Variants in EPG5 observed in about 807,000 individuals in gnomAD.
The protein encoded by EPG5 is ectopic P granules protein 5 homolog.
Under a neutral mutation model 302.7 loss-of-function variants are expected in EPG5, and 159 were observed. That is an observed-to-expected ratio of 0.53 (90% CI 0.46 to 0.60). EPG5 has a LOEUF of 0.60. EPG5 is among the 20% of genes least tolerant of loss of function. The pLI, the probability that EPG5 is intolerant of heterozygous loss-of-function variation, is 0.00. For missense variants in EPG5, 2,896 were observed against 3,092.4 expected (o/e 0.94, Z 1.51); for synonymous variants, 1,158 against 1,136.8 (o/e 1.02, Z -0.37).
At chr18:45,803,399 C>T in the EPG5 span, among the ~76,000 whole-genome samples, 1 of 152,130 alleles carries the variant, frequency 6.6e-6, no homozygotes, top group Non-Finnish European at 1.5e-5. Context: ...CAACAGCAAG[C>T]AGGCTCCAGG....
intron 21 of EPG5, 107 bp downstream of exon 21, chr18:45,913,599 C>A (rs913263040): frequency 1.0e-5 from 14 of 1,362,376 alleles, no homozygotes; most frequent in African/African-American, 1.4e-5. Context: ...GCTTTCCAAA[C>A]ATTCACAACA....
chr18:45,865,376 C>CTTAAT (rs1374669015), intron 39 of EPG5, among the ~76,000 whole-genome samples: 6 of 152,164 alleles, frequency 3.9e-5, no homozygotes, highest in Non-Finnish European at 8.8e-5. Flanking sequence ...TCTGATATCT[C>CTTAAT]CTAATCATTA....
In EPG5 at chr18:45,951,239, C is replaced by A; in HGVS notation, c.1253-1G>T. On this transcript the variant is annotated splice_acceptor_variant, in intron 3 of 43. Transcript: ENST00000282041. LOFTEE classifies it high-confidence loss of function. ...GGAATGCTTTCTGTCTGCTTAGACG[C>A]TGTAAATGAAAGATATTAAATGAGT... 6.8e-7 allele frequency: 1 copy of A among 1,480,876 alleles called. No individual in the cohort carries two copies. The highest frequency in any genetic ancestry group is 1.5e-5 in the South Asian group (1 of 65,468). The allele number at this position is 1,480,876 out of a possible 1,614,324, so 91.7% of individuals were successfully genotyped here.
rs981999945 is a variant in EPG5 at position 45,904,214 on chromosome 18, A to T, written c.4330-97T>A. 8 of 1,400,546 alleles carry T rather than the reference A, an allele frequency of 5.7e-6. No individual in the cohort carries two copies. In the African/African-American group the frequency reaches 7.5e-5, roughly 13 times the overall value. The allele number at this position is 1,400,546 out of a possible 1,614,324, so 86.8% of individuals were successfully genotyped here. ...CTATAAAGTGAACCAGTAAGTTTCA[A>T]CACGAAGTGGTCTACTCCAAGTCCT... On this transcript the variant is annotated intron_variant, in intron 24 of 43. Transcript: ENST00000282041.
rs562385970 is a variant in EPG5, at chr18:45,863,222, G to A, written c.6766+2393C>T. ...TCTTATCAACAGCTTAAAGCTAGAT[G>A]TTTTTGGTTATTAACCTACCTTAAC... On this transcript the variant is annotated intron_variant, in intron 39 of 43. Coordinates refer to ENST00000282041, the MANE Select transcript of EPG5 (RefSeq NM_020964.3). 1.4e-4 allele frequency among the ~76,000 whole-genome samples: 21 copies of A among 152,248 alleles called. No individual in the cohort carries two copies. In the South Asian group the frequency reaches 3.7e-3, roughly 27 times the overall value.
chr18:45,885,068 G>C (rs1479844507), intron 29 of EPG5, among the ~76,000 whole-genome samples: 1 of 152,224 alleles, frequency 6.6e-6, no homozygotes, highest in Admixed American at 6.5e-5. Context: ...TCCGGGTGCA[G>C]TTGCTCACGC....
the EPG5 span, among the ~76,000 whole-genome samples, chr18:45,840,668 C>T: frequency 6.6e-6 from 1 of 152,252 alleles, no homozygotes; most frequent in Non-Finnish European, 1.5e-5. Context: ...GGGTCATACT[C>T]TCCTCTTCTG....
chr18:45,842,415 G>A, the EPG5 span: 1 of 569,368 alleles, frequency 1.8e-6, no homozygotes, highest in South Asian at 2.1e-5. Context: ...TCGTAAATGT[G>A]CATACGTCTG....
intron 27 of EPG5, among the ~76,000 whole-genome samples, chr18:45,898,127 A>G (rs2049522410): frequency 1.3e-5 from 2 of 152,202 alleles, no homozygotes; most frequent in South Asian, 4.1e-4. Context: ...TGGGAGTCCG[A>G]GACAGGCAGA....
At chr18:45,947,775 CT>C (rs528778673) in intron 6 of EPG5, among the ~76,000 whole-genome samples, 7,563 of 148,102 alleles carry the variant, frequency 0.051, 265 homozygotes, top group African/African-American at 0.11. Flanking sequence ...CTAATCCATT[CT>C]TTTTTTTTTT....
intron 13 of EPG5, 26 bp downstream of exon 13, chr18:45,928,843 A>G (rs766646091): frequency 6.3e-7 from 1 of 1,593,362 alleles, no homozygotes; most frequent in Non-Finnish European, 8.5e-7. Context: ...TGAAAAAACA[A>G]AAACAAACAA....
Position 45,916,580 on chromosome 18 carries a change from A to T in EPG5, c.3242T>A (p.Phe1081Tyr). The change falls in exon 18 of 44, where the codon TTT (phenylalanine) becomes TAT (tyrosine). Residue 1081 changes from phenylalanine (F) to tyrosine (Y), a missense_variant and splice_region_variant. Transcript: ENST00000282041. ...CQYYLLKNEQFLSHLLLFLHL... is the reference protein window; with the variant it reads ...CQYYLLKNEQYLSHLLLFLHL... Reference sequence around the variant, plus strand: ...TAGGAACAAGAGGAGATGCGATAAAAACCTGCCAAGCACACAGGAGGACGC... The same window carrying T: ...TAGGAACAAGAGGAGATGCGATAAATACCTGCCAAGCACACAGGAGGACGC... The T allele has an allele frequency of 6.3e-7, 1 of 1,595,496 alleles. No individual in the cohort carries two copies. Among genetic ancestry groups the T allele is most frequent in the Non-Finnish European group, 8.6e-7 (1 of 1,164,522 alleles).
At position 45,887,770 on chromosome 18, in the gene EPG5, C is replaced by T; in HGVS notation, c.5090G>A (p.Cys1697Tyr). ...CCTTACCTGTCCCAAGATCTCAATA[C>T]ATGAAGTAAAGAACTGCCTTGTTGG... ...HPPTRQFFTSCIEILGQVFIS... is the reference protein window; with the variant it reads ...HPPTRQFFTSYIEILGQVFIS... The change falls in exon 29 of 44, where the codon TGT becomes TAT. Residue 1697 changes from cysteine to tyrosine, a missense_variant. Cys to Tyr is a radical substitution (Grantham distance 194, BLOSUM62 -2). Around this residue, in one of 5 missense-constraint regions of EPG5, gnomAD observed 790 missense variants for 798.0 expected, o/e 0.99. Coordinates refer to ENST00000282041, the MANE Select transcript of EPG5 (RefSeq NM_020964.3). 6.3e-7 allele frequency: 1 copy of T among 1,579,506 alleles called. No homozygotes were observed. The highest frequency in any genetic ancestry group is 1.1e-5 in the South Asian group (1 of 88,274).
intron 16 of EPG5, among the ~76,000 whole-genome samples, chr18:45,921,030 T>G (rs1037518813): frequency 6.6e-6 from 1 of 152,198 alleles, no homozygotes; most frequent in African/African-American, 2.4e-5. Flanking sequence ...TGCACTGGGA[T>G]TTTTAAAAGG....
At chr18:45,830,167 CT>C in the EPG5 span, among the ~76,000 whole-genome samples, 1 of 152,244 alleles carries the variant, frequency 6.6e-6, no homozygotes, top group Non-Finnish European at 1.5e-5. Flanking sequence ...TCCTGCTTTG[CT>C]TTTTTCCTTA....
At chr18:45,835,959 G>T in the EPG5 span, among the ~76,000 whole-genome samples, 3 of 152,198 alleles carry the variant, frequency 2.0e-5, no homozygotes, top group Non-Finnish European at 4.4e-5. Flanking sequence ...GACCCTGCAC[G>T]GGGCCATCAT....
chr18:45,860,659 G>C (rs2048616446), intron 39 of EPG5, among the ~76,000 whole-genome samples: 1 of 152,186 alleles, frequency 6.6e-6, no homozygotes, highest in South Asian at 2.1e-4. Context: ...AACATGCCTA[G>C]TCAGTCTTTA....
chr18:45,900,811 T>A (rs570015368), intron 26 of EPG5, among the ~76,000 whole-genome samples, 185 bp downstream of exon 26: 2 of 152,216 alleles, frequency 1.3e-5, no homozygotes, highest in Non-Finnish European at 2.9e-5. Context: ...GAGTACCACA[T>A]AATTTCGATG....
chr18:45,911,144 CAG>C (rs1279865633), intron 22 of EPG5, among the ~76,000 whole-genome samples: 23 of 149,522 alleles, frequency 1.5e-4, no homozygotes, highest in African/African-American at 5.7e-4. Context: ...TTTTTTGAGA[CAG>C]AGTCTCGCTC....
Sources: gnomAD v4.1 joint callset for allele counts (sites outside exome capture counted in the v4.1 genomes callset) on GRCh38, gnomAD v4.1.1 for gene constraint, gnomAD v4.1.1 regional missense constraint, MANE v1.5 for transcripts, NCBI Gene and HGNC (gene_info 2026-07-23, HGNC 2026-07-21) for gene names.